FRMD6: variants seen among roughly 807,000 people sequenced by gnomAD.
The protein encoded by FRMD6 is FERM domain-containing protein 6.
Under a neutral mutation model 73.2 loss-of-function variants are expected in FRMD6, and 37 were observed. That is an observed-to-expected ratio of 0.51 (90% confidence interval 0.39 to 0.66). The LOEUF is 0.66. Among genes scored for constraint, FRMD6 ranks in the 30% least tolerant of loss-of-function variants. The pLI is 0.00. For missense variants in FRMD6, 714 were observed against 780.5 expected (o/e 0.91, Z 1.02); for synonymous variants, 273 against 282.2 (o/e 0.97, Z 0.33).
intron 1 of FRMD6, among the ~76,000 whole-genome samples, chr14:51,671,114 A>G (rs1224494157): frequency 1.1e-4 from 16 of 152,156 alleles, no homozygotes; most frequent in Admixed American, 9.8e-4. Context: ...TGGTCATCAT[A>G]TGTTGTCCTT....
At chr14:51,443,717 A>G in the FRMD6 span, among the ~76,000 whole-genome samples, 1 of 152,162 alleles carries the variant, frequency 6.6e-6, no homozygotes, top group African/African-American at 2.4e-5. Flanking sequence ...TCCAAGAGAA[A>G]TCGTACAAAA....
the FRMD6 span, among the ~76,000 whole-genome samples, chr14:51,412,202 T>C: frequency 1.3e-5 from 2 of 152,350 alleles, no homozygotes; most frequent in East Asian, 3.9e-4. Flanking sequence ...ATATATATTT[T>C]TGATATATCT....
the FRMD6 span, among the ~76,000 whole-genome samples, chr14:51,457,397 A>G: frequency 6.6e-6 from 1 of 152,296 alleles, no homozygotes; most frequent in East Asian, 1.9e-4. Flanking sequence ...CAATGACAGA[A>G]GGGTGGGTGC....
chr14:51,705,144 C>T (rs770442261), intron 6 of FRMD6, among the ~76,000 whole-genome samples: 4 of 152,066 alleles, frequency 2.6e-5, no homozygotes, highest in Non-Finnish European at 5.9e-5. Flanking sequence ...AGAGAATTGC[C>T]ATCCATCCTG....
At chr14:51,524,729 G>A (rs1316419383) in intron 1 of FRMD6, among the ~76,000 whole-genome samples, 2 of 152,108 alleles carry the variant, frequency 1.3e-5, no homozygotes, top group Non-Finnish European at 2.9e-5. Flanking sequence ...AAATGGAAGT[G>A]AGTTACAGAA....
At chr14:51,656,051 A>G (rs1892798563) in intron 1 of FRMD6, among the ~76,000 whole-genome samples, 1 of 152,214 alleles carries the variant, frequency 6.6e-6, no homozygotes, top group South Asian at 2.1e-4. Context: ...AGGGGGCTCT[A>G]CAGCAGTAAT....
chr14:51,520,299 A>G (rs1884874399), intron 1 of FRMD6, among the ~76,000 whole-genome samples: 1 of 152,230 alleles, frequency 6.6e-6, no homozygotes, highest in Non-Finnish European at 1.5e-5. Context: ...GGCTAAAATT[A>G]GAAAAGGTGC....
intron 1 of FRMD6, among the ~76,000 whole-genome samples, chr14:51,505,445 G>A (rs1367363896): frequency 2.0e-5 from 3 of 152,108 alleles, no homozygotes; most frequent in Admixed American, 6.5e-5. Context: ...AGGGAAAGGG[G>A]CTCACATGTC....
intron 1 of FRMD6, among the ~76,000 whole-genome samples, chr14:51,507,723 G>C (rs1256473118): frequency 6.6e-6 from 1 of 151,798 alleles, no homozygotes; most frequent in Non-Finnish European, 1.5e-5. Flanking sequence ...AAGTACTCCA[G>C]AGTGAGTGTT....
chr14:51,693,612 G>T (rs1321997802), intron 2 of FRMD6, among the ~76,000 whole-genome samples: 1 of 3,012 alleles, frequency 3.3e-4, no homozygotes, highest in Non-Finnish European at 0.013. Flanking sequence ...GAAGTATTCA[G>T]TGAAGTGCCT....
intron 1 of FRMD6, among the ~76,000 whole-genome samples, chr14:51,560,423 T>C (rs990046538): frequency 6.6e-6 from 1 of 152,198 alleles, no homozygotes; most frequent in East Asian, 1.9e-4. Context: ...ACAGGCTTGG[T>C]ATAACAGCCA....
intron 1 of FRMD6, among the ~76,000 whole-genome samples, chr14:51,652,478 C>T (rs1001577980): frequency 3.3e-5 from 5 of 152,194 alleles, no homozygotes; most frequent in African/African-American, 1.2e-4. Flanking sequence ...GGCTGGGCGC[C>T]GGGACTAGCA....
At chr14:51,492,018 G>T (rs897928031) in intron 1 of FRMD6, among the ~76,000 whole-genome samples, 1 of 152,210 alleles carries the variant, frequency 6.6e-6, no homozygotes, top group Non-Finnish European at 1.5e-5. Flanking sequence ...ACAAACAAGG[G>T]CTGTGCATCT....
rs1406596282 is a variant in FRMD6, at chr14:51,661,236, C to CA, written c.-147+9241dup. ...AGATCACTTGGGGAATATGTGTAGTCAGAGAAACAGGCTTATGGACCAAGC... is the reference window on the plus strand; with the variant it reads ...AGATCACTTGGGGAATATGTGTAGTCAAGAGAAACAGGCTTATGGACCAAGC... On this transcript the variant is annotated intron_variant, in intron 1 of 13. Coordinates refer to ENST00000344768, the MANE Select transcript of FRMD6 (RefSeq NM_001267046.2). Among the ~76,000 whole-genome samples the CA allele has an allele frequency of 3.9e-5, 6 of 152,190 alleles. No homozygotes were observed. The East Asian group carries it at 1.2e-3, about 29-fold the overall frequency.
chr14:51,415,137 C>T, the FRMD6 span, among the ~76,000 whole-genome samples: 1 of 152,114 alleles, frequency 6.6e-6, no homozygotes, highest in Non-Finnish European at 1.5e-5. Context: ...CTTGAATACC[C>T]TTTATTTCTT....
At chr14:51,457,805 T>C in the FRMD6 span, among the ~76,000 whole-genome samples, 1 of 152,210 alleles carries the variant, frequency 6.6e-6, no homozygotes, top group South Asian at 2.1e-4. Flanking sequence ...TGAGAGAGTA[T>C]GTGTTAGGAG....
chr14:51,555,802 CA>C (rs796732938), intron 1 of FRMD6, among the ~76,000 whole-genome samples: 29,253 of 88,454 alleles, frequency 0.33, 2,976 homozygotes, highest in Middle Eastern at 0.46. Flanking sequence ...AATTCTGACT[CA>C]AAAAAAAAAA....
chr14:51,633,883 T>A (rs142812153), intron 2 of FRMD6, among the ~76,000 whole-genome samples: 1 of 152,302 alleles, frequency 6.6e-6, no homozygotes, highest in Non-Finnish European at 1.5e-5. Context: ...AATGCAGCGA[T>A]TAACACAGAA....
chr14:51,612,700 G>A (rs774601667), intron 2 of FRMD6, among the ~76,000 whole-genome samples: 6 of 152,098 alleles, frequency 3.9e-5, no homozygotes, highest in Non-Finnish European at 7.3e-5. Context: ...GACCTCTAAG[G>A]CACCTTCAAA....
Sources: gnomAD v4.1 joint callset for allele counts (sites outside exome capture counted in the v4.1 genomes callset) on GRCh38, gnomAD v4.1.1 for gene constraint, MANE v1.5 for transcripts, NCBI Gene and HGNC (gene_info 2026-07-23, HGNC 2026-07-21) for gene names.